The following XYLT1 variants were observed in gnomAD, a reference collection of about 807,000 sequenced individuals.
The protein encoded by XYLT1 is beta-D-xylosyltransferase 1.
XYLT1 carries 36 observed loss-of-function variants against 91.3 expected under a neutral mutation model. The ratio of observed to expected loss-of-function variants is 0.39; its 90% CI spans 0.30 to 0.52. The LOEUF is 0.52. Ranked by LOEUF, XYLT1 falls within the 20% of genes least tolerant of loss-of-function variation. XYLT1 has a pLI of 0.68. For synonymous variants in XYLT1, 588 were observed against 532.0 expected, an observed-to-expected ratio of 1.11 and a Z score of -1.45; for missense variants, 1,242 against 1,284.5, an observed-to-expected ratio of 0.97 and a Z score of 0.51.
intron 2 of XYLT1, among the ~76,000 whole-genome samples, chr16:17,298,189 T>C (rs115686272): frequency 1.3e-5 from 2 of 152,030 alleles, no homozygotes; most frequent in African/African-American, 4.8e-5. Flanking sequence ...AAAATGAGTG[T>C]AAAATCGGTT....
chr16:17,176,667 G>T (rs2031950952), intron 5 of XYLT1, among the ~76,000 whole-genome samples: 1 of 152,146 alleles, frequency 6.6e-6, no homozygotes, highest in Non-Finnish European at 1.5e-5. Flanking sequence ...TAAGAATAAG[G>T]TATGCTGCAG....
intron 3 of XYLT1, among the ~76,000 whole-genome samples, chr16:17,228,826 C>G (rs1018732504): frequency 2.6e-4 from 40 of 152,274 alleles, no homozygotes; most frequent in African/African-American, 9.6e-4. Context: ...TTTTACACAC[C>G]TGGCCCAAAA....
chr16:17,115,802 A>T (rs1386322691), intron 11 of XYLT1, among the ~76,000 whole-genome samples: 5 of 120,564 alleles, frequency 4.1e-5, no homozygotes, highest in African/African-American at 1.9e-4. Context: ...TGTTATATTA[A>T]AAAAAAAAAA....
At chr16:17,161,681 T>TCTCC (rs1170996562) in intron 5 of XYLT1, among the ~76,000 whole-genome samples, 1 of 151,160 alleles carries the variant, frequency 6.6e-6, no homozygotes, top group Non-Finnish European at 1.5e-5. Context: ...TCGCGCGCTC[T>TCTCC]CTCTCTCTCT....
At chr16:17,302,900 G>GGGAGAGA (rs1567364698) in intron 2 of XYLT1, among the ~76,000 whole-genome samples, 1 of 152,038 alleles carries the variant, frequency 6.6e-6, no homozygotes, top group Non-Finnish European at 1.5e-5. Flanking sequence ...ATGGGTGAGG[G>GGGAGAGA]GGAGAGAAAA....
intron 2 of XYLT1, among the ~76,000 whole-genome samples, chr16:17,289,736 C>T (rs2034194294): frequency 6.6e-6 from 1 of 151,632 alleles, no homozygotes; most frequent in African/African-American, 2.4e-5. Flanking sequence ...TGACTGGCTC[C>T]AAAAAAAAGT....
intron 2 of XYLT1, among the ~76,000 whole-genome samples, chr16:17,280,000 TCAACCACCTCTCC>T (rs974195082): frequency 3.9e-5 from 6 of 152,280 alleles, no homozygotes; most frequent in Admixed American, 1.3e-4. Flanking sequence ...CTCCCCTCTC[TCAACCACCTCTCC>T]ATCATTCTGC....
intron 1 of XYLT1, among the ~76,000 whole-genome samples, chr16:17,455,746 C>A (rs934236507): frequency 2.0e-5 from 3 of 152,136 alleles, no homozygotes; most frequent in East Asian, 1.9e-4. Context: ...GCGGCGTCTG[C>A]GCATAAAGAT....
At chr16:17,409,416 G>A (rs748203219) in intron 1 of XYLT1, among the ~76,000 whole-genome samples, 2 of 152,236 alleles carry the variant, frequency 1.3e-5, no homozygotes, top group African/African-American at 4.8e-5. Flanking sequence ...GCAATGATGT[G>A]CATAATATTG....
chr16:17,330,261 GA>G (rs1387737142), intron 2 of XYLT1, among the ~76,000 whole-genome samples: 1 of 152,172 alleles, frequency 6.6e-6, no homozygotes, highest in African/African-American at 2.4e-5. Flanking sequence ...GCAAACAGCT[GA>G]TAAACTGGGT....
chr16:17,451,128 C>T (rs1393430225), intron 1 of XYLT1, among the ~76,000 whole-genome samples: 1 of 152,170 alleles, frequency 6.6e-6, no homozygotes, highest in East Asian at 1.9e-4. Flanking sequence ...TCAAGTTCCA[C>T]CTCCAAATCT....
At chr16:17,255,913 C>T (rs2033623286) in intron 3 of XYLT1, among the ~76,000 whole-genome samples, 1 of 152,122 alleles carries the variant, frequency 6.6e-6, no homozygotes, top group South Asian at 2.1e-4. Flanking sequence ...GAGGCTAAGG[C>T]AGGAGAATCA....
chr16:17,205,257 C>T (rs1271405724), intron 3 of XYLT1, among the ~76,000 whole-genome samples: 1 of 152,198 alleles, frequency 6.6e-6, no homozygotes, highest in Non-Finnish European at 1.5e-5. Flanking sequence ...GTGGGTCAAA[C>T]GAGGACTATG....
chr16:17,325,880 G>T (rs1001262632), intron 2 of XYLT1, among the ~76,000 whole-genome samples: 1 of 152,212 alleles, frequency 6.6e-6, no homozygotes, highest in Middle Eastern at 3.2e-3. Flanking sequence ...TTCTAAGCAT[G>T]AACTGGGCAG....
At position 17,315,743 on chromosome 16, in the gene XYLT1, G is replaced by A. The variant is rs2034621011; in HGVS notation, c.402+42269C>T. ...GAAAACGGAAGCTCAGAGAGGCTCA[G>A]GCAACTTGCCCAAGGTCACCTGGTG... On this transcript the variant is annotated intron_variant, in intron 2 of 11. Transcript: ENST00000261381. Among the ~76,000 whole-genome samples, 2 of 152,264 alleles carry A rather than the reference G, an allele frequency of 1.3e-5. 1 individual carries two copies. Among genetic ancestry groups the A allele is most frequent in the East Asian group, 3.9e-4 (2 of 5,188 alleles).
chr16:17,183,035 G>A (rs934422325), intron 5 of XYLT1, among the ~76,000 whole-genome samples: 1 of 152,202 alleles, frequency 6.6e-6, no homozygotes, highest in Non-Finnish European at 1.5e-5. Flanking sequence ...TGGGTGATCG[G>A]CTTTCCCTCC....
chr16:17,127,755 G>A lies in XYLT1; in HGVS notation c.2134C>T (p.Leu712=), dbSNP rs2030311844. 1 of 1,614,194 alleles carries A rather than the reference G, an allele frequency of 6.2e-7. No individual in the cohort carries two copies. The highest frequency in any genetic ancestry group is 8.5e-7 in the Non-Finnish European group (1 of 1,180,028). The change falls in exon 10 of 12, where the codon CTA becomes TTA. Residue 712 remains leucine, a synonymous_variant. Coordinates refer to ENST00000261381, the MANE Select transcript of XYLT1 (RefSeq NM_022166.4). ...ATCACCCAGGTCTCCAGAGTCTCTA[G>A]TTTGCTCACAGCCAGATTGGTAGCA... ...HHATNLAVSK[L]ETLETWVMPK...
chr16:17,278,769 TA>T (rs769880789), intron 2 of XYLT1, among the ~76,000 whole-genome samples: 55 of 152,158 alleles, frequency 3.6e-4, no homozygotes, highest in Non-Finnish European at 5.9e-4. Context: ...GAAAGGGGGT[TA>T]CATGACTCAG....
intron 5 of XYLT1, among the ~76,000 whole-genome samples, chr16:17,190,866 A>G (rs1054481276): frequency 1.3e-5 from 2 of 152,226 alleles, no homozygotes; most frequent in Non-Finnish European, 2.9e-5. Flanking sequence ...TCAAAAAAAA[A>G]GGATCATGAT....
Sources: allele counts gnomAD v4.1 joint callset (sites outside exome capture counted in the v4.1 genomes callset), GRCh38; gene constraint gnomAD v4.1.1; transcripts MANE v1.5; gene names NCBI Gene and HGNC (gene_info 2026-07-23, HGNC 2026-07-21).